Variants in FRYL observed in about 807,000 individuals in gnomAD.
The protein encoded by FRYL is FRY like transcription coactivator.
In FRYL, 150 loss-of-function variants were observed where a neutral mutation model predicts 351.2. The observed-to-expected ratio is 0.43, with a 90% CI of 0.37 to 0.49. The LOEUF (loss-of-function observed/expected upper bound fraction) is 0.49, where lower values mean the gene tolerates loss of function less well. FRYL is among the 20% of genes least tolerant of loss of function. FRYL has a pLI of 0.00. For synonymous variants in FRYL, 1,153 were observed against 1,257.1 expected (o/e 0.92, Z 1.75); for missense variants, 3,036 against 3,619.3 (o/e 0.84, Z 4.13).
intron 44 of FRYL, 114 bp downstream of exon 44, chr4:48,543,693 G>T: frequency 1.2e-6 from 1 of 852,806 alleles, no homozygotes; most frequent in Non-Finnish European, 1.8e-6. Flanking sequence ...CTCAACATCT[G>T]ACTATAATTC....
intron 1 of FRYL, among the ~76,000 whole-genome samples, chr4:48,757,074 C>G (rs1206531738): frequency 6.6e-6 from 1 of 152,122 alleles, no homozygotes; most frequent in Non-Finnish European, 1.5e-5. Flanking sequence ...CAAGGCAGCT[C>G]TGTGCATATT....
chr4:48,506,642 ATATAT>A (rs1278978950), intron 59 of FRYL: 1 of 70,460 alleles, frequency 1.4e-5, no homozygotes, highest in African/African-American at 4.0e-5. Context: ...ATATATATAT[ATATAT>A]ATATATATAT....
chr4:48,563,158 T>C (rs939996503), intron 31 of FRYL, among the ~76,000 whole-genome samples, 170 bp from the exon 32 acceptor site: 4 of 152,122 alleles, frequency 2.6e-5, no homozygotes, highest in East Asian at 3.9e-4. Context: ...ATGGTGATAA[T>C]TGTCCTTATT....
At chr4:48,502,962 TATTTATACCCCAA>T (rs1001302812) in intron 60 of FRYL, 117 bp from the exon 61 acceptor site, 59 of 702,120 alleles carry the variant, frequency 8.4e-5, no homozygotes, top group Non-Finnish European at 1.1e-4. Flanking sequence ...GAAGAACATA[TATTTATACCCCAA>T]AGAAAATTAT....
At chr4:48,663,732 G>T (rs995546568) in intron 3 of FRYL, among the ~76,000 whole-genome samples, 1 of 124,808 alleles carries the variant, frequency 8.0e-6, no homozygotes, top group South Asian at 2.6e-4. Context: ...CCGAGATCGC[G>T]CCACTGCACT....
intron 59 of FRYL, among the ~76,000 whole-genome samples, chr4:48,507,532 A>C (rs796625588): frequency 2.8e-4 from 18 of 65,398 alleles, no homozygotes; most frequent in African/African-American, 1.0e-3. Flanking sequence ...TCACTCAAAC[A>C]AACAGTTAGT....
chr4:48,720,418 A>T (rs1427777851), intron 1 of FRYL, among the ~76,000 whole-genome samples: 3 of 151,830 alleles, frequency 2.0e-5, no homozygotes, highest in African/African-American at 7.3e-5. Flanking sequence ...AACTGCTTGA[A>T]CCCGGGAGGT....
chr4:48,731,187 T>A (rs1173044545), intron 1 of FRYL, among the ~76,000 whole-genome samples: 1 of 152,126 alleles, frequency 6.6e-6, no homozygotes, highest in Non-Finnish European at 1.5e-5. Flanking sequence ...TAAATACATA[T>A]GCACCCAATA....
intron 1 of FRYL, among the ~76,000 whole-genome samples, chr4:48,758,023 G>C (rs1773982244): frequency 6.6e-6 from 1 of 152,154 alleles, no homozygotes; most frequent in African/African-American, 2.4e-5. Context: ...TGGGAAAACT[G>C]GCTAACCATA....
intron 1 of FRYL, among the ~76,000 whole-genome samples, chr4:48,741,031 TG>T (rs1771998486): frequency 6.8e-6 from 1 of 147,516 alleles, no homozygotes; most frequent in South Asian, 2.1e-4. Flanking sequence ...ATAGATTTGA[TG>T]AAAAAAAAAA....
Position 48,562,988 on chromosome 4 carries a change from C to T in FRYL, c.3597G>A (p.Arg1199=). 3 of 1,557,426 alleles carry T rather than the reference C, an allele frequency of 1.9e-6. No individual in the cohort carries two copies. Among genetic ancestry groups the T allele is most frequent in the Non-Finnish European group, 8.8e-7 (1 of 1,134,764 alleles). Residue 1199 remains arginine (R), a splice_region_variant and synonymous_variant, in exon 32 of 64, where the codon AGG becomes AGA. Coordinates refer to ENST00000358350, the MANE Select transcript of FRYL (RefSeq NM_015030.2). ...FKAIANVFQN[R]DYQCDTVMLL... ...GCATCACTGTGTCACATTGATAATC[C>T]CTAGGAATAAATTTTACATATTAAG...
At position 48,730,806 on chromosome 4, in the gene FRYL, T is replaced by A. The variant is rs1770638927; in HGVS notation, c.-383-20108A>T. Among the ~76,000 whole-genome samples, 4 of 152,168 alleles carry A rather than the reference T, an allele frequency of 2.6e-5. No homozygotes were observed. The South Asian group carries it at 8.3e-4, about 32-fold the overall frequency. On this transcript the variant is annotated intron_variant, in intron 1 of 63. Transcript: ENST00000358350. ...CCATCAATGCTATGAAGAAACTCCATCAATTAACAGGCCAAATAACCAGCT... is the reference window on the plus strand; with the variant it reads ...CCATCAATGCTATGAAGAAACTCCAACAATTAACAGGCCAAATAACCAGCT...
At chr4:48,574,872 A>G (rs1249960981) in intron 25 of FRYL, among the ~76,000 whole-genome samples, 1 of 152,216 alleles carries the variant, frequency 6.6e-6, no homozygotes, top group Non-Finnish European at 1.5e-5. Context: ...TTTCTAGAAC[A>G]TATAGGTAAG....
chr4:48,735,971 TAAAAAAAAAA>T (rs71191254), intron 1 of FRYL, among the ~76,000 whole-genome samples: 6 of 100,732 alleles, frequency 6.0e-5, no homozygotes, highest in African/African-American at 1.8e-4. Flanking sequence ...TAGAGTATAA[TAAAAAAAAAA>T]AAAAAAAAAA....
Position 48,515,259 on chromosome 4 carries a change from A to C in FRYL, c.7706T>G (p.Leu2569Ter). The change falls in exon 56 of 64, where the codon TTA (leucine) becomes TGA (stop). Residue 2569 changes from leucine to a stop codon, truncating the protein, a stop_gained. Coordinates refer to ENST00000358350, the MANE Select transcript of FRYL (RefSeq NM_015030.2). LOFTEE classifies it high-confidence loss of function. ...SRLPEDTTSV[L>*]KEEHVTTFED... ...AAAGGTTGTAACATGTTCCTCCTTTAATACTGAAGTTGTATCCTACAAAAC... is the reference window on the plus strand; with the variant it reads ...AAAGGTTGTAACATGTTCCTCCTTTCATACTGAAGTTGTATCCTACAAAAC... 1 of 1,607,570 alleles carries C rather than the reference A, an allele frequency of 6.2e-7. No homozygotes were observed. The highest frequency in any genetic ancestry group is 8.5e-7 in the Non-Finnish European group (1 of 1,175,220).
chr4:48,581,714 G>A, intron 20 of FRYL, 109 bp from the exon 21 acceptor site: 1 of 850,430 alleles, frequency 1.2e-6, no homozygotes, highest in Non-Finnish European at 1.8e-6. Context: ...CTACCGGTCT[G>A]CCTCAGCTCA....
At chr4:48,535,230 G>A (rs1384398872) in intron 48 of FRYL, among the ~76,000 whole-genome samples, 3 of 151,936 alleles carry the variant, frequency 2.0e-5, no homozygotes, top group Admixed American at 6.6e-5. Flanking sequence ...AGATTTCTAA[G>A]CTAAAACCTA....
intron 50 of FRYL, among the ~76,000 whole-genome samples, chr4:48,529,823 G>A (rs1416700332): frequency 2.6e-5 from 4 of 152,070 alleles, no homozygotes; most frequent in Non-Finnish European, 4.4e-5. Context: ...AAAAAAAATC[G>A]GGACTCTCAG....
intron 1 of FRYL, among the ~76,000 whole-genome samples, chr4:48,746,553 A>AG (rs889121831): frequency 4.6e-5 from 7 of 152,068 alleles, no homozygotes; most frequent in African/African-American, 1.4e-4. Flanking sequence ...TTAAAAAAAA[A>AG]AAAAAGAAAA....
Sources: gnomAD v4.1 joint callset for allele counts (sites outside exome capture counted in the v4.1 genomes callset) on GRCh38, gnomAD v4.1.1 for gene constraint, MANE v1.5 for transcripts, NCBI Gene and HGNC (gene_info 2026-07-23, HGNC 2026-07-21) for gene names.